The following COL10A1 variants were observed in gnomAD, a reference collection of about 807,000 sequenced individuals.
COL10A1 encodes collagen type X alpha 1 chain, also known as collagen alpha-1(X) chain.
In COL10A1, 10 loss-of-function variants were observed where a neutral mutation model predicts 18.2. The ratio of observed to expected loss-of-function variants is 0.55; its 90% CI spans 0.34 to 0.93. The LOEUF (loss-of-function observed/expected upper bound fraction) is 0.93, where lower values mean the gene tolerates loss of function less well. Among genes scored for constraint, COL10A1 ranks in the 40% least tolerant of loss-of-function variants. The pLI, the probability that COL10A1 is intolerant of heterozygous loss-of-function variation, is 0.02. For synonymous variants in COL10A1, 330 were observed against 316.6 expected (o/e 1.04, Z -0.45); for missense variants, 897 against 853.5 (o/e 1.05, Z -0.64).
chr6:116,139,944 TG>T (rs1562134775), intron 1 of COL10A1, among the ~76,000 whole-genome samples: 1 of 152,176 alleles, frequency 6.6e-6, no homozygotes, highest in Non-Finnish European at 1.5e-5. Context: ...ATTGGACTTG[TG>T]TTTATTGAGA....
At chr6:116,215,861 G>A in the COL10A1 span, among the ~76,000 whole-genome samples, 10 of 152,120 alleles carry the variant, frequency 6.6e-5, no homozygotes, top group East Asian at 9.7e-4. Context: ...TTAAAATACT[G>A]CCGACCCAAA....
At chr6:116,195,525 A>G in the COL10A1 span, among the ~76,000 whole-genome samples, 15 of 152,186 alleles carry the variant, frequency 9.9e-5, no homozygotes, top group Non-Finnish European at 1.8e-4. Context: ...AGGGATTCCA[A>G]TGATAATCCA....
At position 116,121,092 on chromosome 6, in the gene COL10A1, T is replaced by A. The variant is rs757461621; in HGVS notation, c.1024A>T (p.Asn342Tyr). ...GKPGLTGPPG[N>Y]MGPQGPKGIP... is the part of the protein sequence containing the mutation. Reference sequence around the variant, plus strand: ...CCTTTTGGTCCTTGGGGTCCCATATTCCCAGGGGGTCCAGTCAGACCTGGC... The same window carrying A: ...CCTTTTGGTCCTTGGGGTCCCATATACCCAGGGGGTCCAGTCAGACCTGGC... Residue 342 changes from asparagine (N) to tyrosine (Y), a missense_variant, in exon 3 of 3, where the codon AAT becomes TAT. By Grantham distance (143) the Asn-to-Tyr change is moderately radical (BLOSUM62 -2). Transcript: ENST00000651968. 1.4e-5 allele frequency: 22 copies of A among 1,613,774 alleles called. No homozygotes were observed. The Admixed American group carries it at 3.3e-4, about 24-fold the overall frequency.
At chr6:116,193,228 T>A in the COL10A1 span, among the ~76,000 whole-genome samples, 2 of 152,110 alleles carry the variant, frequency 1.3e-5, no homozygotes, top group Non-Finnish European at 2.9e-5. Context: ...GTTTATTTTT[T>A]AAAATCTTGC....
chr6:116,124,565 GAGTAACAGA>G (rs894846871), intron 2 of COL10A1, among the ~76,000 whole-genome samples: 39 of 152,258 alleles, frequency 2.6e-4, no homozygotes, highest in African/African-American at 8.7e-4. Context: ...ATAAAACTAG[GAGTAACAGA>G]AGTAGTAGTA....
chr6:116,208,458 T>C, the COL10A1 span, among the ~76,000 whole-genome samples: 2 of 152,070 alleles, frequency 1.3e-5, no homozygotes, highest in African/African-American at 4.8e-5. Flanking sequence ...GTCCCAGGTT[T>C]TACCTGGAGG....
At chr6:116,197,188 C>T in the COL10A1 span, among the ~76,000 whole-genome samples, 2 of 152,014 alleles carry the variant, frequency 1.3e-5, no homozygotes, top group Non-Finnish European at 2.9e-5. Flanking sequence ...TCTGAAGAGG[C>T]ATGAATCTTC....
the COL10A1 span, among the ~76,000 whole-genome samples, chr6:116,184,449 G>A: frequency 6.6e-6 from 1 of 151,776 alleles, no homozygotes; most frequent in Non-Finnish European, 1.5e-5. Flanking sequence ...TTTTGAAATA[G>A]TGTCAATTGG....
At chr6:116,215,722 T>C in the COL10A1 span, among the ~76,000 whole-genome samples, 1 of 152,060 alleles carries the variant, frequency 6.6e-6, no homozygotes, top group Non-Finnish European at 1.5e-5. Context: ...GGAGAAAAAA[T>C]AGGTTGTAAA....
In COL10A1 at chr6:116,131,509, A is replaced by AT. The variant is rs536957863; in HGVS notation, c.-15-6003dup. Among the ~76,000 whole-genome samples, 7 of 152,264 alleles carry AT rather than the reference A, an allele frequency of 4.6e-5. No homozygotes were observed. The South Asian group carries it at 1.5e-3, about 32-fold the overall frequency. ...GACCTGAACTGCAGCTTTATTATAG[A>AT]TAACAGTTTATATTGGAGATCATTG... On this transcript the variant is annotated intron_variant, in intron 1 of 1. Transcript: ENST00000418500.
Position 116,120,808 on chromosome 6 carries a change from A to C in COL10A1, c.1308T>G (p.Asn436Lys). The C allele has an allele frequency of 6.2e-7, 1 of 1,612,674 alleles. No homozygotes were observed. ...GGGCACCTCTTGGGCCAGCCTCTCCATTGTGTCCGGGCATTCCCTTTGCTC... is the reference window on the plus strand; with the variant it reads ...GGGCACCTCTTGGGCCAGCCTCTCCCTTGTGTCCGGGCATTCCCTTTGCTC... The part of the protein sequence containing the change: ...PAGAKGMPGH[N>K]GEAGPRGAPG... The change falls in exon 3 of 3, where the codon AAT (asparagine) becomes AAG (lysine). Residue 436 changes from asparagine to lysine, a missense_variant. Physicochemically the swap from Asn to Lys is moderately conservative, Grantham distance 94. Coordinates refer to ENST00000651968, the MANE Select transcript of COL10A1 (RefSeq NM_000493.4).
At position 116,120,648 on chromosome 6, in the gene COL10A1, C is replaced by T. The variant is rs777462669; in HGVS notation, c.1468G>A (p.Gly490Arg). 34 of 1,547,490 alleles carry T rather than the reference C, an allele frequency of 2.2e-5. No homozygotes were observed. The highest frequency in any genetic ancestry group is 2.8e-5 in the Non-Finnish European group (32 of 1,155,018). The change falls in exon 3 of 3, where the codon GGG becomes AGG. Residue 490 changes from glycine (G) to arginine (R), a missense_variant. Coordinates refer to ENST00000651968, the MANE Select transcript of COL10A1 (RefSeq NM_000493.4). ...IATKGLNGPT[G>R]PPGPPGPRGH... ...CTTGGACCTGGAGGCCCTGGTGGCC[C>T]GGTGGGTCCATTGAGGCCCTTAGTT... is the stretch of plus-strand genomic sequence containing the variant.
At chr6:116,181,719 CA>C in the COL10A1 span, among the ~76,000 whole-genome samples, 12 of 149,398 alleles carry the variant, frequency 8.0e-5, no homozygotes, top group Non-Finnish European at 1.0e-4. Context: ...GCTTTCTGTG[CA>C]AAAAAAAAGT....
intron 1 of COL10A1, among the ~76,000 whole-genome samples, chr6:116,141,019 C>G (rs1779752404): frequency 6.6e-6 from 1 of 152,134 alleles, no homozygotes; most frequent in African/African-American, 2.4e-5. Context: ...GCTTCACTGG[C>G]TAATTCCAAA....
rs746303086 is a variant in COL10A1, at chr6:116,120,927, C to G, written c.1189G>C (p.Asp397His). 4 of 1,613,804 alleles carry G rather than the reference C, an allele frequency of 2.5e-6. No homozygotes were observed. In the Admixed American group the frequency reaches 5.0e-5, roughly 20 times the overall value. ...KPGYPGKPGLDGPKGNPGLPG... is the reference protein window; with the variant it reads ...KPGYPGKPGLHGPKGNPGLPG... ...AACCCTGGGTTACCCTTAGGACCAT[C>G]GAGACCTGGTTTTCCTGGGTACCCT... Residue 397 changes from aspartate to histidine, a missense_variant, in exon 3 of 3, where the codon GAT becomes CAT. Coordinates refer to ENST00000651968, the MANE Select transcript of COL10A1 (RefSeq NM_000493.4).
intron 1 of COL10A1, among the ~76,000 whole-genome samples, chr6:116,156,388 G>C (rs994134536): frequency 6.6e-6 from 1 of 152,122 alleles, no homozygotes. Context: ...TTAATACTAT[G>C]TAGGCACTTT....
intron 1 of COL10A1, among the ~76,000 whole-genome samples, chr6:116,154,572 A>G (rs568650006): frequency 8.5e-5 from 13 of 152,316 alleles, no homozygotes; most frequent in African/African-American, 3.1e-4. Flanking sequence ...TTTTTTAAAA[A>G]ATGCTAGAAC....
chr6:116,147,459 T>G (rs1015730396), intron 1 of COL10A1, among the ~76,000 whole-genome samples: 1 of 149,694 alleles, frequency 6.7e-6, no homozygotes, highest in Non-Finnish European at 1.5e-5. Context: ...AAAAAAAAAA[T>G]AAAAAGATAA....
At chr6:116,149,869 CAACA>C (rs1779993677) in intron 1 of COL10A1, among the ~76,000 whole-genome samples, 1 of 152,198 alleles carries the variant, frequency 6.6e-6, no homozygotes, top group South Asian at 2.1e-4. Flanking sequence ...TTGATTTGCA[CAACA>C]AACCAGCATT....
Sources: allele counts gnomAD v4.1 joint callset (sites outside exome capture counted in the v4.1 genomes callset), GRCh38; gene constraint gnomAD v4.1.1; transcripts MANE v1.5; gene names NCBI Gene and HGNC (gene_info 2026-07-23, HGNC 2026-07-21).